RCAN3: variants seen among roughly 807,000 people sequenced by gnomAD.
RCAN3 encodes the protein calcipressin-3.
Under a neutral mutation model 21.9 loss-of-function variants are expected in RCAN3, and 19 were observed. That is an observed-to-expected ratio of 0.87 (90% confidence interval 0.61 to 1.27). The LOEUF is 1.27. Ranked by LOEUF, RCAN3 falls within the 50% of genes most tolerant of loss-of-function variation. The pLI, the probability that RCAN3 is intolerant of heterozygous loss-of-function variation, is 0.00. For missense variants in RCAN3, 240 were observed against 300.1 expected (o/e 0.80, Z 1.48); for synonymous variants, 114 against 112.3 (o/e 1.01, Z -0.09).
Position 24,514,370 on chromosome 1 carries a change from A to G in RCAN3, c.-3A>G, listed in dbSNP as rs1242469171. Reference sequence around the variant, plus strand: ...AGAAGGAAAAGGCCCACTTTGGGGGATAATGCTGAGGGACACTATGAAATC... The same window carrying G: ...AGAAGGAAAAGGCCCACTTTGGGGGGTAATGCTGAGGGACACTATGAAATC... On this transcript the variant is annotated 5_prime_UTR_variant, in exon 2 of 5. Coordinates refer to ENST00000374395, the MANE Select transcript of RCAN3 (RefSeq NM_013441.4). 1 of 1,610,486 alleles carries G rather than the reference A, an allele frequency of 6.2e-7. No individual in the cohort carries two copies. Among genetic ancestry groups the G allele is most frequent in the African/African-American group, 1.3e-5 (1 of 74,780 alleles).
rs11249127 is a variant in RCAN3, at chr1:24,504,544, T to C, written c.-60+1394T>C. Among the ~76,000 whole-genome samples, 503 of 152,322 alleles carry C rather than the reference T, an allele frequency of 3.3e-3. 1 individual carries two copies. The highest frequency in any genetic ancestry group is 0.011 in the African/African-American group (477 of 41,564). ...CAAGATTTTTCCTGCTGTTGAAATA[T>C]AACGTTTGTAAAGGTTTCAAACATG... On this transcript the variant is annotated intron_variant, in intron 1 of 4. Transcript: ENST00000374395.
chr1:24,538,798 CT>C lies in RCAN3; in HGVS notation c.*3524del, dbSNP rs1650368233. The C allele has an allele frequency of 6.6e-6, 1 of 151,940 alleles. No homozygotes were observed. The highest frequency in any genetic ancestry group is 2.4e-5 in the African/African-American group (1 of 41,378). The allele number at this position is 151,940 out of a possible 1,614,324, so 9.4% of individuals were successfully genotyped here. A position where few individuals can be genotyped will look rare whatever the true frequency, so the allele number is the denominator to read the frequency against. ...AGAGGTGAAGTGCAGTACTTTTATT[CT>C]TTAAGAATATAGTCTTTAGCCAGGT... On this transcript the variant is annotated 3_prime_UTR_variant, in exon 5 of 5. Transcript: ENST00000374395.
At chr1:24,531,480 A>G in intron 3 of RCAN3, 89 bp downstream of exon 3, 1 of 1,002,578 alleles carries the variant, frequency 1.0e-6, no homozygotes, top group Admixed American at 3.1e-5. Flanking sequence ...ATATTATTAT[A>G]GCAGAGGTGT....
Position 24,514,577 on chromosome 1 carries a change from T to C in RCAN3, c.195+10T>C. ...GGCACGAGAGCAGAAGGTAGGCATC[T>C]ATCCTCCCTTTCCCTACATTTGTAG... On this transcript the variant is annotated intron_variant, in intron 2 of 4. Coordinates refer to ENST00000374395, the MANE Select transcript of RCAN3 (RefSeq NM_013441.4). 1 of 1,610,286 alleles carries C rather than the reference T, an allele frequency of 6.2e-7. No individual in the cohort carries two copies. Among genetic ancestry groups the C allele is most frequent in the Non-Finnish European group, 8.5e-7 (1 of 1,177,600 alleles).
chr1:24,513,646 G>A lies in RCAN3; in HGVS notation c.-59-668G>A, dbSNP rs183339346. On this transcript the variant is annotated intron_variant, in intron 1 of 4. Transcript: ENST00000374395. Reference sequence around the variant, plus strand: ...CACTCCAGCCTGGGCAACACAACACGACTCCATCTCAAAAACAAAAGTGCT... The same window carrying A: ...CACTCCAGCCTGGGCAACACAACACAACTCCATCTCAAAAACAAAAGTGCT... 1.7e-3 allele frequency among the ~76,000 whole-genome samples: 252 copies of A among 152,238 alleles called. 1 individual carries two copies. Among genetic ancestry groups the A allele is most frequent in the Non-Finnish European group, 1.0e-3 (69 of 68,016 alleles).
chr1:24,509,843 A>G (rs1394835378), intron 1 of RCAN3, among the ~76,000 whole-genome samples: 2 of 152,212 alleles, frequency 1.3e-5, no homozygotes, highest in Non-Finnish European at 2.9e-5. Context: ...TATCTCTGGC[A>G]GCTGTATACT....
At chr1:24,532,371 CAT>C (rs1483351109) in intron 3 of RCAN3, among the ~76,000 whole-genome samples, 2 of 151,984 alleles carry the variant, frequency 1.3e-5, no homozygotes, top group Non-Finnish European at 2.9e-5. Context: ...GGACTACAGG[CAT>C]ATGCCACCAC....
chr1:24,538,985 G>A lies in RCAN3; in HGVS notation c.*3708G>A, dbSNP rs535144402. 1 of 152,044 alleles carries A rather than the reference G, an allele frequency of 6.6e-6. No individual in the cohort carries two copies. The highest frequency in any genetic ancestry group is 1.9e-4 in the East Asian group (1 of 5,184). The allele number at this position is 152,044 out of a possible 1,614,324, so 9.4% of individuals were successfully genotyped here. On this transcript the variant is annotated 3_prime_UTR_variant, in exon 5 of 5. Transcript: ENST00000374395. ...TAACTCCATCTTTTAAAAATGTCAT[G>A]ATTACAAAGTGAAAAGATTTGGCTT...
At chr1:24,504,169 C>CCTTTT (rs1432367524) in intron 1 of RCAN3, among the ~76,000 whole-genome samples, 2 of 152,180 alleles carry the variant, frequency 1.3e-5, no homozygotes, top group African/African-American at 4.8e-5. Context: ...GCAAGCCTTG[C>CCTTTT]CTTTTCTTTT....
At chr1:24,504,553 TA>T (rs1647294343) in intron 1 of RCAN3, among the ~76,000 whole-genome samples, 1 of 152,206 alleles carries the variant, frequency 6.6e-6, no homozygotes, top group Non-Finnish European at 1.5e-5. Context: ...ATAACGTTTG[TA>T]AAGGTTTCAA....
At chr1:24,513,206 C>T (rs1648033040) in intron 1 of RCAN3, among the ~76,000 whole-genome samples, 1 of 152,112 alleles carries the variant, frequency 6.6e-6, no homozygotes, top group Admixed American at 6.5e-5. Flanking sequence ...CACTGCACTC[C>T]AGCCTGGGTG....
chr1:24,525,269 AG>A lies in RCAN3; in HGVS notation c.196-5947del, dbSNP rs1002357802. ...AGCACTCTTTCTTAAGTTCCCAAGA[AG>A]GTTGATGGTTATGTGTTGTTCTTAG... On this transcript the variant is annotated intron_variant, in intron 2 of 4. Coordinates refer to ENST00000374395, the MANE Select transcript of RCAN3 (RefSeq NM_013441.4). This position sits in a 1 kb window ranked among gnomAD's most constrained non-coding sequence, Gnocchi z 4.1. 1.3e-5 allele frequency among the ~76,000 whole-genome samples: 2 copies of A among 152,152 alleles called. No individual in the cohort carries two copies. Among genetic ancestry groups the A allele is most frequent in the African/African-American group, 2.4e-5 (1 of 41,426 alleles).
Position 24,535,490 on chromosome 1 carries a change from T to C in RCAN3, c.*213T>C, listed in dbSNP as rs992273747. 9.2e-6 allele frequency: 4 copies of C among 433,910 alleles called. No individual in the cohort carries two copies. The highest frequency in any genetic ancestry group is 8.2e-5 in the African/African-American group (4 of 49,072). The allele number at this position is 433,910 out of a possible 1,614,324, so 26.9% of individuals were successfully genotyped here. Reference sequence around the variant, plus strand: ...TTTAAGTGATATTCCAAAAGGGACTTTACATTAAAGGAGAAGCCCCCAAGA... The same window carrying C: ...TTTAAGTGATATTCCAAAAGGGACTCTACATTAAAGGAGAAGCCCCCAAGA... On this transcript the variant is annotated 3_prime_UTR_variant, in exon 5 of 5. Coordinates refer to ENST00000374395, the MANE Select transcript of RCAN3 (RefSeq NM_013441.4).
At chr1:24,530,125 G>T (rs1649631107) in intron 2 of RCAN3, among the ~76,000 whole-genome samples, 1 of 151,932 alleles carries the variant, frequency 6.6e-6, no homozygotes, top group Non-Finnish European at 1.5e-5. Flanking sequence ...GGTCAAGGAG[G>T]ATAGATCACT....
intron 2 of RCAN3, among the ~76,000 whole-genome samples, chr1:24,527,412 G>A (rs1046297642): frequency 2.6e-5 from 4 of 152,200 alleles, no homozygotes; most frequent in African/African-American, 9.6e-5. Flanking sequence ...GCCAGACTGA[G>A]TAGAAGGTCT....
In RCAN3 at chr1:24,502,874, G is replaced by T. The variant is rs1467225277; in HGVS notation, c.-336G>T. 1.3e-5 allele frequency: 2 copies of T among 150,352 alleles called. No homozygotes were observed. The highest frequency in any genetic ancestry group is 1.3e-4 in the Admixed American group (2 of 15,124). 9.3% of individuals were successfully genotyped at this position (150,352 alleles called of 1,614,324 possible). On this transcript the variant is annotated 5_prime_UTR_variant, in exon 1 of 5. Coordinates refer to ENST00000374395, the MANE Select transcript of RCAN3 (RefSeq NM_013441.4). ...ACGAGGCGGGCGCGCGGCGCCGGCA[G>T]CCTAGCTCAGCCGGGACACCGCCCT...
chr1:24,535,359 G>T lies in RCAN3; in HGVS notation c.*82G>T, dbSNP rs968287613. On this transcript the variant is annotated 3_prime_UTR_variant, in exon 5 of 5. Transcript: ENST00000374395. ...GTGCCTGCGGCCGATGCGTTGCTGC[G>T]AACAGCATAGGTGAGACTCTGCCGA... is the stretch of plus-strand genomic sequence containing the variant. The T allele has an allele frequency of 4.2e-4, 602 of 1,434,382 alleles. No homozygotes were observed. The highest frequency in any genetic ancestry group is 5.1e-4 in the Non-Finnish European group (557 of 1,082,564). The allele number at this position is 1,434,382 out of a possible 1,614,324, so 88.9% of individuals were successfully genotyped here. A position where few individuals can be genotyped will look rare whatever the true frequency, so the allele number is the denominator to read the frequency against.
intron 2 of RCAN3, among the ~76,000 whole-genome samples, chr1:24,527,292 C>A (rs190282335): frequency 5.3e-5 from 8 of 152,144 alleles, no homozygotes; most frequent in African/African-American, 1.9e-4. Context: ...CGTGAGCTAC[C>A]GCGCATGGCT....
At chr1:24,529,186 T>A (rs112698013) in intron 2 of RCAN3, among the ~76,000 whole-genome samples, 2,223 of 152,150 alleles carry the variant, frequency 0.015, 61 homozygotes, top group African/African-American at 0.05. Flanking sequence ...GGCAGAAGGA[T>A]GCTTGAGCCC....
Sources: allele counts gnomAD v4.1 joint callset (sites outside exome capture counted in the v4.1 genomes callset), GRCh38; gene constraint gnomAD v4.1.1; non-coding constraint Gnocchi (gnomAD v3.1); transcripts MANE v1.5; gene names NCBI Gene and HGNC (gene_info 2026-07-23, HGNC 2026-07-21).